The following SDK1 variants were observed in gnomAD, a reference collection of about 807,000 sequenced individuals.
SDK1 encodes the protein sidekick cell adhesion molecule 1, also known as protein sidekick-1.
Under a neutral mutation model 245.5 loss-of-function variants are expected in SDK1, and 157 were observed. That is an observed-to-expected ratio of 0.64 (90% CI 0.56 to 0.73). The LOEUF (loss-of-function observed/expected upper bound fraction) is 0.73. Among genes scored for constraint, SDK1 ranks in the 30% least tolerant of loss-of-function variants. SDK1 has a pLI of 0.00. For synonymous variants in SDK1, 1,647 were observed against 1,278.5 expected, an observed-to-expected ratio of 1.29 and a Z score of -6.15; for missense variants, 3,583 against 3,002.3, an observed-to-expected ratio of 1.19 and a Z score of -4.52.
intron 4 of SDK1, among the ~76,000 whole-genome samples, chr7:3,802,262 G>A (rs370039249): frequency 1.5e-4 from 23 of 152,228 alleles, no homozygotes; most frequent in African/African-American, 5.1e-4. Flanking sequence ...CTGGTCTCAC[G>A]CCTGTAATCC....
chr7:3,529,078 C>G (rs1407938640), intron 1 of SDK1, among the ~76,000 whole-genome samples: 1 of 151,974 alleles, frequency 6.6e-6, no homozygotes, highest in East Asian at 1.9e-4. Context: ...GGTTTATCAT[C>G]AACAGATAAG....
At chr7:4,088,104 A>G (rs1336299802) in intron 22 of SDK1, among the ~76,000 whole-genome samples, 1 of 152,204 alleles carries the variant, frequency 6.6e-6, no homozygotes, top group Non-Finnish European at 1.5e-5. Flanking sequence ...CCGAGGTCAC[A>G]CAGCCAAGCC....
rs535338107 is a variant in SDK1, at chr7:3,899,221, T to C, written c.848-51702T>C. 6.6e-5 allele frequency among the ~76,000 whole-genome samples: 10 copies of C among 152,350 alleles called. No homozygotes were observed. The South Asian group carries it at 2.1e-3, about 32-fold the overall frequency. On this transcript the variant is annotated intron_variant, in intron 5 of 44. Transcript: ENST00000404826. Reference sequence around the variant, plus strand: ...GAACCTCCATGCTCTTCTTAATATATGAGTATGTATCACCCTCAGTCTCCC... The same window carrying C: ...GAACCTCCATGCTCTTCTTAATATACGAGTATGTATCACCCTCAGTCTCCC...
At chr7:3,560,694 C>G (rs937974771) in intron 1 of SDK1, among the ~76,000 whole-genome samples, 2 of 152,062 alleles carry the variant, frequency 1.3e-5, no homozygotes, top group African/African-American at 4.8e-5. Flanking sequence ...CAGTGGCCAC[C>G]CATTTAAACA....
intron 1 of SDK1, among the ~76,000 whole-genome samples, chr7:3,489,150 A>G (rs759898503): frequency 6.6e-6 from 1 of 152,176 alleles, no homozygotes; most frequent in Non-Finnish European, 1.5e-5. Context: ...GAACAGAATC[A>G]GAGTTCTCAC....
chr7:3,703,945 CT>C (rs1423211691), intron 4 of SDK1, among the ~76,000 whole-genome samples: 1 of 152,026 alleles, frequency 6.6e-6, no homozygotes, highest in Non-Finnish European at 1.5e-5. Flanking sequence ...GTACAAATGG[CT>C]TTTGGTTACA....
intron 13 of SDK1, among the ~76,000 whole-genome samples, chr7:3,975,945 T>TGC (rs1204694367): frequency 2.9e-5 from 4 of 138,644 alleles, no homozygotes; most frequent in East Asian, 4.4e-4. Context: ...GTCCCGGGGC[T>TGC]GAGGCTGCCA....
chr7:3,947,530 TTGTGTGTGTG>T lies in SDK1; in HGVS notation c.848-3363_848-3354del, dbSNP rs745830597. 1.9e-4 allele frequency among the ~76,000 whole-genome samples: 26 copies of T among 140,450 alleles called. No individual in the cohort carries two copies. In the East Asian group the frequency reaches 2.3e-3, roughly 12 times the overall value. The allele number at this position is 140,450 out of a possible 152,430, so 92.1% of individuals were successfully genotyped here. ...TTTCCTTTTAAAAAGAAGTATTTGC[TTGTGTGTGTG>T]TGTGTGTGTGTGTGTGTGTGTGTGT... On this transcript the variant is annotated intron_variant, in intron 5 of 44. Transcript: ENST00000404826.
chr7:3,546,005 T>G (rs1350958647), intron 1 of SDK1, among the ~76,000 whole-genome samples: 4 of 152,252 alleles, frequency 2.6e-5, no homozygotes, highest in African/African-American at 9.6e-5. Context: ...CTGTCTTCAT[T>G]ATTTTATTAT....
chr7:3,529,973 T>C (rs1259658254), intron 1 of SDK1, among the ~76,000 whole-genome samples: 1 of 152,178 alleles, frequency 6.6e-6, no homozygotes, highest in Non-Finnish European at 1.5e-5. Context: ...CTTACTATTA[T>C]GTGATAAGTA....
intron 4 of SDK1, among the ~76,000 whole-genome samples, chr7:3,655,569 C>T (rs1245941575): frequency 1.4e-5 from 2 of 144,730 alleles, no homozygotes; most frequent in Non-Finnish European, 3.0e-5. Context: ...ATATATCTGT[C>T]TATCCCTCTT....
intron 14 of SDK1, among the ~76,000 whole-genome samples, chr7:4,008,456 C>G (rs534029564): frequency 6.6e-6 from 1 of 152,386 alleles, no homozygotes; most frequent in Admixed American, 6.5e-5. Context: ...GCCTTTATTC[C>G]TGACGCAAGT....
At position 4,268,008 on chromosome 7, in the gene SDK1, A is replaced by T; in HGVS notation, c.*2624A>T. The T allele has an allele frequency of 4.1e-6, 4 of 985,520 alleles. No individual in the cohort carries two copies. The highest frequency in any genetic ancestry group is 4.8e-6 in the Non-Finnish European group (4 of 829,956). 61.0% of individuals were successfully genotyped at this position (985,520 alleles called of 1,614,324 possible). On this transcript the variant is annotated 3_prime_UTR_variant, in exon 45 of 45. Coordinates refer to ENST00000404826, the MANE Select transcript of SDK1 (RefSeq NM_152744.4). ...TCCTTATCTTCAGGGAAGGAAAAGA[A>T]AATCACAGCCTAGGAAGATGGAGGT...
rs552648674 is a variant in SDK1, at chr7:3,974,411, C to G, written c.1860C>G (p.Ser620Arg). The change falls in exon 13 of 45, where the codon AGC becomes AGG. Residue 620 changes from serine to arginine, a missense_variant. Ser to Arg is a moderately radical substitution (Grantham distance 110, BLOSUM62 -1). Coordinates refer to ENST00000404826, the MANE Select transcript of SDK1 (RefSeq NM_152744.4). Reference sequence around the variant, plus strand: ...ACAACGTGGCCCTGACTCCATCGAGCACGTCTAGGATCGTGGTGGAGAAGG... The same window carrying G: ...ACAACGTGGCCCTGACTCCATCGAGGACGTCTAGGATCGTGGTGGAGAAGG... The part of the protein sequence containing the change: ...KKDNVALTPS[S>R]TSRIVVEKDG... The G allele has an allele frequency of 1.2e-6, 2 of 1,613,886 alleles. No homozygotes were observed. The highest frequency in any genetic ancestry group is 2.2e-5 in the East Asian group (1 of 44,884).
intron 1 of SDK1, among the ~76,000 whole-genome samples, chr7:3,307,977 T>G (rs1779460123): frequency 6.6e-6 from 1 of 152,162 alleles, no homozygotes; most frequent in African/African-American, 2.4e-5. Flanking sequence ...GAACCTAATT[T>G]TCTTCATTTT....
At chr7:3,894,546 C>T (rs1781547522) in intron 5 of SDK1, among the ~76,000 whole-genome samples, 1 of 137,480 alleles carries the variant, frequency 7.3e-6, no homozygotes, top group South Asian at 2.3e-4. Flanking sequence ...GAACCCTGAG[C>T]CTCAGTTTGC....
chr7:3,816,542 C>A lies in SDK1; in HGVS notation c.714-4908C>A, dbSNP rs1028291816. The stretch of plus-strand genomic sequence containing the variant: ...ACACATACACTCTCCCAAGACTAAA[C>A]CAGGAAGAAGTTGAATCTCTGAATA... On this transcript the variant is annotated intron_variant, in intron 4 of 44. Coordinates refer to ENST00000404826, the MANE Select transcript of SDK1 (RefSeq NM_152744.4). Among the ~76,000 whole-genome samples the A allele has an allele frequency of 6.6e-5, 10 of 151,348 alleles. No individual in the cohort carries two copies. The South Asian group carries it at 2.1e-3, about 32-fold the overall frequency.
intron 17 of SDK1, among the ~76,000 whole-genome samples, chr7:4,032,676 G>A (rs570385207): frequency 2.6e-5 from 4 of 152,298 alleles, no homozygotes; most frequent in Non-Finnish European, 5.9e-5. Context: ...ATATGCACAA[G>A]CAAAACATAG....
chr7:3,321,228 C>T (rs4385365), intron 1 of SDK1, among the ~76,000 whole-genome samples: 91,823 of 152,080 alleles, frequency 0.6, 28,633 homozygotes, highest in African/African-American at 0.78. Flanking sequence ...TTGACAGATT[C>T]CTTAGAAACG....
Sources: gnomAD v4.1 joint callset for allele counts (sites outside exome capture counted in the v4.1 genomes callset) on GRCh38, gnomAD v4.1.1 for gene constraint, MANE v1.5 for transcripts, NCBI Gene and HGNC (gene_info 2026-07-23, HGNC 2026-07-21) for gene names.